Variants in CLMP observed in about 807,000 individuals in gnomAD.
CLMP encodes the protein CXADR-like membrane protein.
Under a neutral mutation model 45.2 loss-of-function variants are expected in CLMP, and 27 were observed. The observed-to-expected ratio is 0.60, with a 90% CI of 0.44 to 0.82. CLMP has a LOEUF of 0.82. Ranked by LOEUF, CLMP falls within the 40% of genes least tolerant of loss-of-function variation. CLMP has a pLI of 0.00. For synonymous variants in CLMP, 167 were observed against 171.4 expected (o/e 0.97, Z 0.20); for missense variants, 403 against 448.4 (o/e 0.90, Z 0.91).
At chr11:123,175,599 A>G (rs1861687988) in intron 1 of CLMP, among the ~76,000 whole-genome samples, 1 of 152,224 alleles carries the variant, frequency 6.6e-6, no homozygotes, top group African/African-American at 2.4e-5. Context: ...TTGGGACTAC[A>G]GGTGTGAGTC....
rs1861801314 is a variant in CLMP, at chr11:123,183,952, G to T, written c.28+10961C>A. On this transcript the variant is annotated intron_variant, in intron 1 of 6. Coordinates refer to ENST00000448775, the MANE Select transcript of CLMP (RefSeq NM_024769.5). Reference sequence around the variant, plus strand: ...CTTCGAGTTTTGATTTGACTAACTGGCTGTGGTAACACCAGAAAAATTTCT... The same window carrying T: ...CTTCGAGTTTTGATTTGACTAACTGTCTGTGGTAACACCAGAAAAATTTCT... Among the ~76,000 whole-genome samples, 3 of 152,072 alleles carry T rather than the reference G, an allele frequency of 2.0e-5. No homozygotes were observed. The South Asian group carries it at 6.2e-4, about 32-fold the overall frequency.
intron 1 of CLMP, among the ~76,000 whole-genome samples, chr11:123,153,208 T>C (rs1396665757): frequency 6.6e-6 from 1 of 152,210 alleles, no homozygotes; most frequent in Non-Finnish European, 1.5e-5. Flanking sequence ...GCCAGTCATC[T>C]GGAACACTGA....
chr11:123,113,621 C>A (rs1860674028), intron 1 of CLMP, among the ~76,000 whole-genome samples: 1 of 152,132 alleles, frequency 6.6e-6, no homozygotes, highest in Non-Finnish European at 1.5e-5. Flanking sequence ...CACTGTGGAC[C>A]CTTCGTCCTG....
intron 1 of CLMP, among the ~76,000 whole-genome samples, chr11:123,116,028 C>G (rs1230722310): frequency 6.6e-6 from 1 of 152,028 alleles, no homozygotes; most frequent in Non-Finnish European, 1.5e-5. Flanking sequence ...TAGCAGCTTT[C>G]AATCCTCACC....
intron 2 of CLMP, among the ~76,000 whole-genome samples, chr11:123,092,961 G>A (rs1865951121): frequency 6.8e-6 from 1 of 147,930 alleles, no homozygotes; most frequent in Non-Finnish European, 1.5e-5. Flanking sequence ...AGGCTGGAGT[G>A]CAGCGGTATG....
At position 123,083,748 on chromosome 11, in the gene CLMP, A is replaced by C; in HGVS notation, c.488T>G (p.Val163Gly). Residue 163 changes from valine (V) to glycine (G), a missense_variant, in exon 4 of 7, where the codon GTG becomes GGG. Coordinates refer to ENST00000448775, the MANE Select transcript of CLMP (RefSeq NM_024769.5). ...CTCTCGGATTCGCTGCCAGTAATAC[A>C]CAATGGGCTCTGTGCCAGAGGATGA... ...CESSSGTEPIVYYWQRIREKE... is the reference protein window; with the variant it reads ...CESSSGTEPIGYYWQRIREKE... The C allele has an allele frequency of 6.2e-7, 1 of 1,614,128 alleles. No homozygotes were observed. The highest frequency in any genetic ancestry group is 2.2e-5 in the East Asian group (1 of 44,884).
intron 1 of CLMP, among the ~76,000 whole-genome samples, chr11:123,178,067 G>A (rs958927103): frequency 6.6e-6 from 1 of 152,078 alleles, no homozygotes; most frequent in Non-Finnish European, 1.5e-5. Context: ...GTGTCACCAT[G>A]TTGGCCAGGC....
At chr11:123,142,781 T>C (rs11219017) in intron 1 of CLMP, among the ~76,000 whole-genome samples, 75,438 of 130,700 alleles carry the variant, frequency 0.58, 24,269 homozygotes, top group African/African-American at 0.87. Flanking sequence ...CGCCCGCCAC[T>C]GCGCCCGGCT....
chr11:123,119,077 C>T, intron 1 of CLMP, among the ~76,000 whole-genome samples: 1 of 120,966 alleles, frequency 8.3e-6, no homozygotes, highest in East Asian at 2.5e-4. Context: ...CTCTCTCTCT[C>T]TCTCTCTCTC....
At chr11:123,164,072 A>T (rs904939524) in intron 1 of CLMP, among the ~76,000 whole-genome samples, 7 of 152,196 alleles carry the variant, frequency 4.6e-5, no homozygotes, top group African/African-American at 1.7e-4. Flanking sequence ...CCATTTATTT[A>T]TCAGTGTTTG....
intron 1 of CLMP, among the ~76,000 whole-genome samples, chr11:123,138,902 A>G (rs373646015): frequency 3.0e-4 from 46 of 152,200 alleles, no homozygotes; most frequent in East Asian, 2.7e-3. Flanking sequence ...TGATCCACCC[A>G]CCATGGCCTC....
chr11:123,161,285 C>A (rs1591482381), intron 1 of CLMP, among the ~76,000 whole-genome samples: 1 of 152,144 alleles, frequency 6.6e-6, no homozygotes, highest in African/African-American at 2.4e-5. Flanking sequence ...AATAATTTAA[C>A]CTGTTAAATA....
At chr11:123,127,419 G>A (rs1371825464) in intron 1 of CLMP, among the ~76,000 whole-genome samples, 1 of 152,138 alleles carries the variant, frequency 6.6e-6, no homozygotes, top group African/African-American at 2.4e-5. Flanking sequence ...ACAGCGCCCA[G>A]CCCACCTCTT....
intron 1 of CLMP, among the ~76,000 whole-genome samples, chr11:123,123,799 T>A (rs1565389570): frequency 1.3e-5 from 2 of 152,122 alleles, no homozygotes; most frequent in Non-Finnish European, 2.9e-5. Context: ...TGTGAAAAAA[T>A]TAGCAAATAC....
chr11:123,142,182 G>C (rs1319107598), intron 1 of CLMP, among the ~76,000 whole-genome samples: 1 of 151,894 alleles, frequency 6.6e-6, no homozygotes, highest in Non-Finnish European at 1.5e-5. Flanking sequence ...ATGGAGTTTT[G>C]CCATGTTGCC....
At chr11:123,127,110 CT>C (rs987325234) in intron 1 of CLMP, among the ~76,000 whole-genome samples, 4 of 151,130 alleles carry the variant, frequency 2.6e-5, no homozygotes, top group South Asian at 2.1e-4. Context: ...TAAATAATTT[CT>C]TTTTTTTTCT....
At chr11:123,088,574 CAGGT>C (rs1057183489) in intron 2 of CLMP, among the ~76,000 whole-genome samples, 1 of 152,120 alleles carries the variant, frequency 6.6e-6, no homozygotes, top group African/African-American at 2.4e-5. Flanking sequence ...TGGGCTTTGA[CAGGT>C]GGGTGACCTT....
At chr11:123,100,881 C>T (rs1030371916) in intron 1 of CLMP, among the ~76,000 whole-genome samples, 2 of 151,810 alleles carry the variant, frequency 1.3e-5, no homozygotes, top group East Asian at 1.9e-4. Flanking sequence ...TACCAGGTCA[C>T]GGGCTGGGTT....
At chr11:123,122,676 A>G (rs183523793) in intron 1 of CLMP, among the ~76,000 whole-genome samples, 1 of 152,200 alleles carries the variant, frequency 6.6e-6, no homozygotes, top group Non-Finnish European at 1.5e-5. Context: ...AGAAACGTGA[A>G]AGCAAGTTTC....
Sources: allele counts gnomAD v4.1 joint callset (sites outside exome capture counted in the v4.1 genomes callset), GRCh38; gene constraint gnomAD v4.1.1; transcripts MANE v1.5; gene names NCBI Gene and HGNC (gene_info 2026-07-23, HGNC 2026-07-21).